The following TDO2 variants were observed in gnomAD, a reference collection of about 807,000 sequenced individuals.
The protein encoded by TDO2 is tryptophan 2,3-dioxygenase, also known as tryptamin 2,3-dioxygenase.
Under a neutral mutation model 61.2 loss-of-function variants are expected in TDO2, and 63 were observed. That is an observed-to-expected ratio of 1.03 (90% CI 0.84 to 1.27). The LOEUF (loss-of-function observed/expected upper bound fraction) is 1.27. Among genes scored for constraint, TDO2 ranks in the 50% most tolerant of loss-of-function variants. TDO2 has a pLI of 0.00. For missense variants in TDO2, 494 were observed against 469.5 expected (o/e 1.05, Z -0.48); for synonymous variants, 183 against 164.0 (o/e 1.12, Z -0.89).
intron 10 of TDO2, 104 bp downstream of exon 10, chr4:155,917,578 C>T: frequency 1.1e-6 from 1 of 939,408 alleles, no homozygotes; most frequent in Non-Finnish European, 1.6e-6. Context: ...CTCTTTCCCC[C>T]TCCTTTGTGT....
At chr4:155,911,473 C>T (rs775019350) in intron 6 of TDO2, 24 bp from the exon 7 acceptor site, 7 of 1,556,878 alleles carry the variant, frequency 4.5e-6, no homozygotes, top group Non-Finnish European at 6.1e-6. Context: ...CATGTACTCA[C>T]TTAAAAAATA....
chr4:155,914,310 AT>A lies in TDO2; in HGVS notation c.727-8del. ...TCTCTCTCAGGACTATTAATGCCAT[AT>A]TTTTCCTAAAGGCTAAAGAAGAGTC... On this transcript the variant is annotated splice_polypyrimidine_tract_variant and intron_variant, in intron 7 of 11. Transcript: ENST00000536354. The A allele has an allele frequency of 3.1e-6, 5 of 1,590,728 alleles. No homozygotes were observed. The highest frequency in any genetic ancestry group is 4.3e-6 in the Non-Finnish European group (5 of 1,171,388).
rs28683807 is a variant in TDO2, at chr4:155,913,670, T to A, written c.727-653T>A. Among the ~76,000 whole-genome samples the A allele has an allele frequency of 8.2e-3, 1,248 of 152,232 alleles. 17 individuals are homozygous for A. Among genetic ancestry groups the A allele is most frequent in the African/African-American group, 0.029 (1,195 of 41,542 alleles). On this transcript the variant is annotated intron_variant, in intron 7 of 11. Transcript: ENST00000536354. ...TGACATGTATTGAATAAATAAATAA[T>A]TAATTTGAAATAATATGCATATAGG...
chr4:155,913,629 C>T (rs1232970304), intron 7 of TDO2, among the ~76,000 whole-genome samples: 13 of 152,066 alleles, frequency 8.5e-5, no homozygotes, highest in Admixed American at 8.5e-4. Flanking sequence ...ACAATTTTAT[C>T]TCTATCATCT....
At chr4:155,916,301 G>A (rs1307098636) in intron 9 of TDO2, among the ~76,000 whole-genome samples, 5 of 146,028 alleles carry the variant, frequency 3.4e-5, no homozygotes, top group African/African-American at 5.1e-5. Flanking sequence ...CCGAGTAGCT[G>A]GGACTACAGG....
chr4:155,910,025 A>T lies in TDO2; in HGVS notation c.432A>T (p.Arg144Ser). The stretch of plus-strand genomic sequence containing the variant: ...TTCCTTCCACCATTTAATCTCAAAG[A>T]GAGTACTTATCTCCAGCATCAGGCT... ...TMTALDFNDF[R>S]EYLSPASGFQ... Residue 144 changes from arginine to serine, a missense_variant and splice_region_variant, in exon 6 of 12, where the codon AGA becomes AGT. Arg to Ser is a moderately radical substitution (Grantham distance 110, BLOSUM62 -1). Transcript: ENST00000536354. 1 of 1,537,174 alleles carries T rather than the reference A, an allele frequency of 6.5e-7. No homozygotes were observed. Among genetic ancestry groups the T allele is most frequent in the Non-Finnish European group, 8.7e-7 (1 of 1,150,014 alleles).
chr4:155,912,034 T>C (rs1482671885), intron 7 of TDO2, among the ~76,000 whole-genome samples: 1 of 152,162 alleles, frequency 6.6e-6, no homozygotes, highest in Admixed American at 6.5e-5. Flanking sequence ...TACTGTTGAT[T>C]GCTCATTGCC....
intron 6 of TDO2, among the ~76,000 whole-genome samples, chr4:155,910,512 G>A (rs1579327965): frequency 6.6e-6 from 1 of 152,000 alleles, no homozygotes; most frequent in Admixed American, 6.6e-5. Context: ...CACTTAATTA[G>A]CTGATTTTTA....
chr4:155,908,895 T>C lies in TDO2; in HGVS notation c.312T>C (p.Asp104=), dbSNP rs1742766721. Residue 104 remains aspartate, a synonymous_variant, in exon 5 of 12, where the codon GAT becomes GAC. Transcript: ENST00000536354. ...REIFQNGHVR[D]ERNMLKVVSR... Reference sequence around the variant, plus strand: ...CATTTCTTAACCTTCAGGTCAGAGATGAAAGGAACATGCTTAAGGTTGTTT... The same window carrying C: ...CATTTCTTAACCTTCAGGTCAGAGACGAAAGGAACATGCTTAAGGTTGTTT... 3 of 1,610,006 alleles carry C rather than the reference T, an allele frequency of 1.9e-6. No individual in the cohort carries two copies. The highest frequency in any genetic ancestry group is 2.7e-5 in the African/African-American group (2 of 74,726).
Position 155,911,251 on chromosome 4 carries a change from C to T in TDO2, c.619-246C>T, listed in dbSNP as rs574632785. Among the ~76,000 whole-genome samples the T allele has an allele frequency of 6.6e-5, 10 of 151,934 alleles. No homozygotes were observed. In the South Asian group the frequency reaches 1.9e-3, roughly 28 times the overall value. ...AAGACAATTGGAATTTCTGTAATCA[C>T]ATATTTCTTAAGAAATAAAGAGTAA... On this transcript the variant is annotated intron_variant, in intron 6 of 11. Coordinates refer to ENST00000536354, the MANE Select transcript of TDO2 (RefSeq NM_005651.4).
intron 2 of TDO2, 93 bp downstream of exon 2, chr4:155,904,216 G>A (rs573084886): frequency 6.7e-6 from 6 of 897,758 alleles, no homozygotes; most frequent in South Asian, 1.7e-5. Context: ...TTGGAATTAG[G>A]GAAAGTCACC....
rs747001628 is a variant in TDO2, at chr4:155,904,065, CA to C, written c.84del (p.Gln29LysfsTer4). ...LPVEGSEEDK[S>X]QTGVNRASKG... ...GTAGAAGGCAGCGAAGAAGACAAAT[CA>C]CAAACTGGTGTGAATAGAGCCAGCA... On this transcript the variant is annotated frameshift_variant, in exon 2 of 12. Transcript: ENST00000536354. LOFTEE classifies it high-confidence loss of function. 1 of 1,614,048 alleles carries C rather than the reference CA, an allele frequency of 6.2e-7. No homozygotes were observed. Among genetic ancestry groups the C allele is most frequent in the East Asian group, 2.2e-5 (1 of 44,858 alleles).
chr4:155,920,123 G>A lies in TDO2; in HGVS notation c.*133G>A. 1.3e-6 allele frequency: 1 copy of A among 779,798 alleles called. No homozygotes were observed. Among genetic ancestry groups the A allele is most frequent in the Non-Finnish European group, 2.0e-6 (1 of 491,498 alleles). The allele number at this position is 779,798 out of a possible 1,614,324, so 48.3% of individuals were successfully genotyped here. ...ACCACGATGCTCTGATTTAATTCTA[G>A]AAACAATTTGATTACCTCTTGTTTG... On this transcript the variant is annotated 3_prime_UTR_variant, in exon 12 of 12. Coordinates refer to ENST00000536354, the MANE Select transcript of TDO2 (RefSeq NM_005651.4).
At chr4:155,917,544 TG>T in intron 10 of TDO2, 70 bp downstream of exon 10, 2 of 1,299,946 alleles carry the variant, frequency 1.5e-6, no homozygotes, top group Admixed American at 4.5e-5. Context: ...CTTGGTCTTC[TG>T]TGTGCCCTCC....
Position 155,910,425 on chromosome 4 carries a change from T to C in TDO2, c.618+214T>C, listed in dbSNP as rs554752010. ...CTGCTGAGAACTTCGGAAATACTTA[T>C]GTAATCAATTGTATGCTAATATTTA... On this transcript the variant is annotated intron_variant, in intron 6 of 11. Coordinates refer to ENST00000536354, the MANE Select transcript of TDO2 (RefSeq NM_005651.4). 5.3e-5 allele frequency among the ~76,000 whole-genome samples: 8 copies of C among 152,272 alleles called. No individual in the cohort carries two copies. In the South Asian group the frequency reaches 1.0e-3, roughly 20 times the overall value.
intron 11 of TDO2, among the ~76,000 whole-genome samples, chr4:155,918,545 A>G (rs6830072): frequency 0.88 from 134,250 of 152,222 alleles, 60,986 homozygotes; most frequent in East Asian, 1. Context: ...ACTCATTGTG[A>G]CTCAAGTTTT....
Position 155,919,826 on chromosome 4 carries a change from T to G in TDO2, c.1068-11T>G. ...AACCAATGTAACACATCTTCATGTA[T>G]GTTTTTCCAGTGATAGGTACAAGGT... On this transcript the variant is annotated splice_polypyrimidine_tract_variant and intron_variant, in intron 11 of 11. Coordinates refer to ENST00000536354, the MANE Select transcript of TDO2 (RefSeq NM_005651.4). 1 of 1,590,096 alleles carries G rather than the reference T, an allele frequency of 6.3e-7. No individual in the cohort carries two copies. Among genetic ancestry groups the G allele is most frequent in the Non-Finnish European group, 8.6e-7 (1 of 1,169,350 alleles).
chr4:155,905,032 C>A, intron 2 of TDO2, 35 bp from the exon 3 acceptor site: 1 of 1,467,106 alleles, frequency 6.8e-7, no homozygotes. Flanking sequence ...CCAAGTTCTG[C>A]AATTTCAGAC....
chr4:155,907,511 T>C, intron 3 of TDO2: 2 of 504,704 alleles, frequency 4.0e-6, no homozygotes, highest in South Asian at 6.3e-5. Flanking sequence ...TTAGGTAACA[T>C]GTCTAGCATA....
Sources: allele counts gnomAD v4.1 joint callset (sites outside exome capture counted in the v4.1 genomes callset), GRCh38; gene constraint gnomAD v4.1.1; transcripts MANE v1.5; gene names NCBI Gene and HGNC (gene_info 2026-07-23, HGNC 2026-07-21).